The following UBE2D2 variants were observed in gnomAD, a reference collection of about 807,000 sequenced individuals.
UBE2D2 encodes ubiquitin-conjugating enzyme E2 D2.
A neutral mutation model predicts 24.2 loss-of-function variants in UBE2D2; 2 were observed. That is an observed-to-expected ratio of 0.08 (90% confidence interval 0.03 to 0.26). UBE2D2 has a LOEUF of 0.26. UBE2D2 is among the 10% of genes least tolerant of loss of function. The pLI, the probability that UBE2D2 is intolerant of heterozygous loss-of-function variation, is 1.00. For synonymous variants in UBE2D2, 58 were observed against 56.5 expected (o/e 1.03, Z -0.12); for missense variants, 44 against 177.6 (o/e 0.25, Z 4.28).
intron 1 of UBE2D2, among the ~76,000 whole-genome samples, chr5:139,579,777 G>A (rs575102857): frequency 6.0e-4 from 91 of 152,170 alleles, no homozygotes; most frequent in Admixed American, 5.9e-3. Context: ...GTTGGGCGCG[G>A]TGGCTCACAT....
At chr5:139,601,736 C>T (rs924255288) in intron 2 of UBE2D2, among the ~76,000 whole-genome samples, 2 of 151,936 alleles carry the variant, frequency 1.3e-5, no homozygotes, top group Non-Finnish European at 2.9e-5. Context: ...GGTGAAACCC[C>T]GCCTCTACTA....
intron 1 of UBE2D2, among the ~76,000 whole-genome samples, chr5:139,578,903 A>G (rs868307311): frequency 8.5e-5 from 13 of 152,236 alleles, no homozygotes; most frequent in African/African-American, 2.7e-4. Flanking sequence ...TTTAGTGCCA[A>G]TTAAGCTGAC....
intron 1 of UBE2D2, among the ~76,000 whole-genome samples, chr5:139,533,826 AG>A (rs1752628734): frequency 6.7e-6 from 1 of 148,906 alleles, no homozygotes; most frequent in African/African-American, 2.5e-5. Context: ...TCTGTCACCC[AG>A]GCTGGAGTGC....
At chr5:139,544,712 C>A (rs1752802498) in intron 1 of UBE2D2, among the ~76,000 whole-genome samples, 1 of 151,938 alleles carries the variant, frequency 6.6e-6, no homozygotes, top group South Asian at 2.1e-4. Flanking sequence ...AAGTGTGCAG[C>A]TCCTTTAATT....
At chr5:139,566,533 G>A (rs893507278) in intron 1 of UBE2D2, among the ~76,000 whole-genome samples, 1 of 152,048 alleles carries the variant, frequency 6.6e-6, no homozygotes, top group African/African-American at 2.4e-5. Flanking sequence ...AAATTAGCTG[G>A]GTATGGTGGT....
At chr5:139,555,488 T>C (rs1039762176) in intron 1 of UBE2D2, among the ~76,000 whole-genome samples, 1 of 152,074 alleles carries the variant, frequency 6.6e-6, no homozygotes, top group Non-Finnish European at 1.5e-5. Context: ...CAAGGAAAAT[T>C]AGAAAAACAT....
intron 1 of UBE2D2, among the ~76,000 whole-genome samples, chr5:139,595,098 A>T (rs981515988): frequency 1.3e-5 from 2 of 152,224 alleles, no homozygotes; most frequent in Non-Finnish European, 2.9e-5. Context: ...GGTGGAACTC[A>T]TAGACACAGA....
At chr5:139,579,589 C>T (rs1753550683) in intron 1 of UBE2D2, among the ~76,000 whole-genome samples, 1 of 152,150 alleles carries the variant, frequency 6.6e-6, no homozygotes, top group African/African-American at 2.4e-5. Flanking sequence ...TGTGTCCAGC[C>T]TCAGCTATGT....
intron 1 of UBE2D2, among the ~76,000 whole-genome samples, chr5:139,577,678 T>G (rs559001417): frequency 6.6e-6 from 1 of 152,188 alleles, no homozygotes; most frequent in Non-Finnish European, 1.5e-5. Flanking sequence ...CCTCCCAAAG[T>G]GCTGGGATTA....
chr5:139,592,005 C>T (rs1451696003), intron 1 of UBE2D2, among the ~76,000 whole-genome samples: 2 of 152,026 alleles, frequency 1.3e-5, no homozygotes, highest in Admixed American at 6.6e-5. Context: ...TTCTCAAGAC[C>T]GGCCTGGACA....
chr5:139,562,204 C>G (rs759183030), intron 1 of UBE2D2: 1 of 1,380,966 alleles, frequency 7.2e-7, no homozygotes, highest in Non-Finnish European at 9.6e-7. Flanking sequence ...GAAAGGGCTT[C>G]TCGCCCCATT....
chr5:139,527,100 A>G (rs146091580), intron 1 of UBE2D2, among the ~76,000 whole-genome samples: 8,471 of 152,248 alleles, frequency 0.056, 803 homozygotes, highest in African/African-American at 0.19. Flanking sequence ...TTACGGTGTT[A>G]CTATGACACC....
intron 1 of UBE2D2, among the ~76,000 whole-genome samples, chr5:139,593,246 G>A (rs1272865114): frequency 6.6e-6 from 1 of 151,764 alleles, no homozygotes; most frequent in African/African-American, 2.4e-5. Flanking sequence ...CGTCCACCTC[G>A]GCCTCCCAAA....
At chr5:139,541,639 A>G (rs934242168) in intron 1 of UBE2D2, among the ~76,000 whole-genome samples, 1 of 151,492 alleles carries the variant, frequency 6.6e-6, no homozygotes, top group Non-Finnish European at 1.5e-5. Context: ...ATAGGGCTCA[A>G]TGCTGGCACC....
chr5:139,560,279 C>T (rs945644824), upstream of UBE2D2, among the ~76,000 whole-genome samples: 1 of 151,490 alleles, frequency 6.6e-6, no homozygotes, highest in Non-Finnish European at 1.5e-5. Flanking sequence ...CTCACGGCAA[C>T]CTCCGCCTCC....
intron 2 of UBE2D2, among the ~76,000 whole-genome samples, chr5:139,605,111 T>C (rs926074162): frequency 6.6e-6 from 1 of 152,204 alleles, no homozygotes; most frequent in Non-Finnish European, 1.5e-5. Flanking sequence ...GTTATTGATA[T>C]TTAGTGTAAA....
At chr5:139,626,609 C>A in intron 6 of UBE2D2, 147 bp from the exon 7 acceptor site, 1 of 666,064 alleles carries the variant, frequency 1.5e-6, no homozygotes, top group Non-Finnish European at 2.7e-6. Context: ...TGAATTAATC[C>A]TTATCAGAAA....
At chr5:139,589,429 G>A (rs948740049) in intron 1 of UBE2D2, among the ~76,000 whole-genome samples, 2 of 152,034 alleles carry the variant, frequency 1.3e-5, no homozygotes, top group African/African-American at 4.8e-5. Context: ...GCATGTTGGT[G>A]TGTGCCTGTA....
chr5:139,540,395 A>G (rs1211864886), intron 1 of UBE2D2, among the ~76,000 whole-genome samples: 2 of 152,070 alleles, frequency 1.3e-5, no homozygotes, highest in Non-Finnish European at 2.9e-5. Context: ...TTTAAAAAAA[A>G]GTTAGCTGGG....
Sources: gnomAD v4.1 joint callset for allele counts (sites outside exome capture counted in the v4.1 genomes callset) on GRCh38, gnomAD v4.1.1 for gene constraint, MANE v1.5 for transcripts, NCBI Gene and HGNC (gene_info 2026-07-23, HGNC 2026-07-21) for gene names.